SHANK2: variants seen among roughly 807,000 people sequenced by gnomAD.
The protein encoded by SHANK2 is SH3 and multiple ankyrin repeat domains 2.
Under a neutral mutation model 133.7 loss-of-function variants are expected in SHANK2, and 43 were observed. That is an observed-to-expected ratio of 0.32 (90% CI 0.25 to 0.41). The LOEUF (loss-of-function observed/expected upper bound fraction) is 0.41. SHANK2 is among the 10% of genes least tolerant of loss of function. SHANK2 has a pLI of 1.00. For missense variants in SHANK2, 1,994 were observed against 2,235.8 expected, an observed-to-expected ratio of 0.89 and a Z score of 2.18; for synonymous variants, 1,017 against 952.8, an observed-to-expected ratio of 1.07 and a Z score of -1.24.
intron 1 of SHANK2, among the ~76,000 whole-genome samples, chr11:71,248,346 G>A (rs954263069): frequency 1.2e-4 from 18 of 152,238 alleles, no homozygotes; most frequent in Non-Finnish European, 2.2e-4. Flanking sequence ...ACCGCAGCGC[G>A]ATTTCACAGC....
intron 14 of SHANK2, among the ~76,000 whole-genome samples, chr11:70,734,966 G>T (rs1555033158): frequency 6.6e-6 from 1 of 152,228 alleles, no homozygotes; most frequent in Admixed American, 6.5e-5. Flanking sequence ...ATTCTGGGTT[G>T]CCCTGGAGAC....
chr11:70,940,358 T>G (rs1950630786), intron 10 of SHANK2, among the ~76,000 whole-genome samples: 1 of 151,626 alleles, frequency 6.6e-6, no homozygotes, highest in Non-Finnish European at 1.5e-5. Context: ...GCGATTCTCC[T>G]GCCTTAGCCT....
intron 15 of SHANK2, among the ~76,000 whole-genome samples, chr11:70,662,889 G>A (rs1432510385): frequency 6.6e-6 from 1 of 152,108 alleles, no homozygotes; most frequent in Non-Finnish European, 1.5e-5. Context: ...GGTGGCCTGC[G>A]GGGGCAGAAG....
At chr11:70,601,687 G>A (rs576465896) in intron 17 of SHANK2, among the ~76,000 whole-genome samples, 16 of 152,252 alleles carry the variant, frequency 1.1e-4, no homozygotes, top group South Asian at 2.1e-4. Context: ...AAATCAATCC[G>A]AAAAGGATGA....
intron 2 of SHANK2, among the ~76,000 whole-genome samples, chr11:71,203,266 A>T (rs1347046471): frequency 6.6e-6 from 1 of 152,188 alleles, no homozygotes; most frequent in Non-Finnish European, 1.5e-5. Flanking sequence ...GCATTTGCCA[A>T]CAAGTCAATC....
chr11:71,204,501 G>A (rs1467733611), intron 2 of SHANK2, among the ~76,000 whole-genome samples: 1 of 152,198 alleles, frequency 6.6e-6, no homozygotes, highest in Non-Finnish European at 1.5e-5. Flanking sequence ...ACCACAGGGT[G>A]CCGCTTGCTC....
intron 14 of SHANK2, among the ~76,000 whole-genome samples, chr11:70,701,232 A>G (rs1945512348): frequency 6.6e-6 from 1 of 152,156 alleles, no homozygotes; most frequent in Non-Finnish European, 1.5e-5. Flanking sequence ...TTTCTAGGCT[A>G]GGTAAGGTAG....
chr11:70,648,911 C>T (rs1024931813), intron 17 of SHANK2, among the ~76,000 whole-genome samples: 1 of 152,008 alleles, frequency 6.6e-6, no homozygotes, highest in Non-Finnish European at 1.5e-5. Flanking sequence ...GGGGCATGTG[C>T]AGGAAGTGAC....
intron 17 of SHANK2, among the ~76,000 whole-genome samples, chr11:70,559,365 A>C (rs1472952109): frequency 1.3e-5 from 2 of 152,206 alleles, no homozygotes; most frequent in African/African-American, 4.8e-5. Context: ...TACCAAAAGA[A>C]ACCAATGCAG....
intron 17 of SHANK2, among the ~76,000 whole-genome samples, chr11:70,530,927 A>C (rs2059459773): frequency 6.6e-6 from 1 of 152,034 alleles, no homozygotes; most frequent in African/African-American, 2.4e-5. Flanking sequence ...GCACCTTGGG[A>C]GGCCGAGGCG....
intron 21 of SHANK2, 128 bp from the exon 22 acceptor site, chr11:70,492,593 T>C: frequency 8.2e-7 from 1 of 1,215,050 alleles, no homozygotes; most frequent in South Asian, 1.3e-5. Flanking sequence ...GTTGCTGCTG[T>C]GAGGAGCATG....
At position 70,931,615 on chromosome 11, in the gene SHANK2, C is replaced by T. The variant is rs138719370; in HGVS notation, c.1108-35048G>A. 1.8e-4 allele frequency among the ~76,000 whole-genome samples: 28 copies of T among 152,322 alleles called. No homozygotes were observed. The East Asian group carries it at 5.4e-3, about 29-fold the overall frequency. On this transcript the variant is annotated intron_variant, in intron 10 of 25. Transcript: ENST00000601538. The stretch of plus-strand genomic sequence containing the variant: ...TGTCCACCGGTCACCAGGGCCAGCC[C>T]TTCGTAGGTCATCTCTAAGCCCTCA...
At chr11:71,062,167 G>A (rs1950996104) in intron 9 of SHANK2, among the ~76,000 whole-genome samples, 1 of 151,928 alleles carries the variant, frequency 6.6e-6, no homozygotes, top group African/African-American at 2.4e-5. Context: ...TGTTGCCCAG[G>A]CTGGTCTCCA....
At chr11:70,493,558 G>A (rs2058928161) in intron 21 of SHANK2, among the ~76,000 whole-genome samples, 1 of 151,626 alleles carries the variant, frequency 6.6e-6, no homozygotes, top group Non-Finnish European at 1.5e-5. Flanking sequence ...TCAGGCATAA[G>A]GGTGTGTCTA....
intron 1 of SHANK2, among the ~76,000 whole-genome samples, chr11:71,229,898 C>T (rs903225899): frequency 3.9e-5 from 6 of 151,928 alleles, no homozygotes; most frequent in Non-Finnish European, 8.8e-5. Context: ...AATTGAGAGA[C>T]ATACCCTGTT....
intron 1 of SHANK2, among the ~76,000 whole-genome samples, chr11:71,248,845 G>A (rs1273678813): frequency 1.3e-5 from 2 of 152,114 alleles, no homozygotes; most frequent in Non-Finnish European, 2.9e-5. Context: ...TCTATGCCCT[G>A]CAGCACTCGA....
At chr11:70,930,406 G>C (rs1254036544) in intron 10 of SHANK2, among the ~76,000 whole-genome samples, 3 of 152,196 alleles carry the variant, frequency 2.0e-5, no homozygotes, top group Non-Finnish European at 4.4e-5. Context: ...GAAGCCACTG[G>C]GAATGTGGGG....
Position 70,664,842 on chromosome 11 carries a change from C to T in SHANK2, c.1854-3164G>A, listed in dbSNP as rs115217646. Among the ~76,000 whole-genome samples the T allele has an allele frequency of 4.0e-3, 611 of 152,330 alleles. 3 individuals carry two copies. The highest frequency in any genetic ancestry group is 0.013 in the African/African-American group (558 of 41,572). ...GCATCACACGGAGCGTGGTTCAAAT[C>T]CCAGCTTTGCTTTGACCCCAAGGTC... On this transcript the variant is annotated intron_variant, in intron 15 of 25. Coordinates refer to ENST00000601538, the MANE Select transcript of SHANK2 (RefSeq NM_012309.5).
intron 1 of SHANK2, among the ~76,000 whole-genome samples, chr11:71,231,813 G>A (rs548633241): frequency 4.2e-4 from 64 of 152,098 alleles, no homozygotes; most frequent in Non-Finnish European, 6.8e-4. Context: ...GGCTTGAGCC[G>A]GGGAGACAGA....
Sources: allele counts gnomAD v4.1 joint callset (sites outside exome capture counted in the v4.1 genomes callset), GRCh38; gene constraint gnomAD v4.1.1; transcripts MANE v1.5; gene names NCBI Gene and HGNC (gene_info 2026-07-23, HGNC 2026-07-21).